Variants in CFAP20DC observed in about 807,000 individuals in gnomAD.
CFAP20DC encodes the protein protein CFAP20DC.
In CFAP20DC, 84 loss-of-function variants were observed where a neutral mutation model predicts 101.7. That is an observed-to-expected ratio of 0.83 (90% CI 0.69 to 0.99). CFAP20DC has a LOEUF of 0.99. Ranked by LOEUF, CFAP20DC falls within the 50% of genes least tolerant of loss-of-function variation. The pLI is 0.00. For missense variants in CFAP20DC, 1,007 were observed against 970.3 expected (o/e 1.04, Z -0.50); for synonymous variants, 359 against 351.2 (o/e 1.02, Z -0.25).
At chr3:58,759,130 T>A (rs1354125960) in intron 15 of CFAP20DC, among the ~76,000 whole-genome samples, 36 of 152,236 alleles carry the variant, frequency 2.4e-4, no homozygotes, top group African/African-American at 8.2e-4. Flanking sequence ...TCCACAATGG[T>A]TGAACTAGTT....
At chr3:58,854,949 C>A (rs865877436) in intron 12 of CFAP20DC, among the ~76,000 whole-genome samples, 178 of 145,240 alleles carry the variant, frequency 1.2e-3, no homozygotes, top group African/African-American at 4.2e-3. Context: ...GTCTAAAACA[C>A]CAAAAGCAAT....
chr3:58,819,021 C>G (rs1439410263), intron 14 of CFAP20DC, among the ~76,000 whole-genome samples: 18 of 151,188 alleles, frequency 1.2e-4, no homozygotes, highest in Admixed American at 5.9e-4. Context: ...GGAAACTGAA[C>G]AACCTGCTCC....
At chr3:58,815,018 ATATG>A (rs2074996545) in intron 14 of CFAP20DC, among the ~76,000 whole-genome samples, 1 of 151,486 alleles carries the variant, frequency 6.6e-6, no homozygotes, top group South Asian at 2.1e-4. Context: ...TTTAAAGTTC[ATATG>A]GAACCAAAAA....
rs141528482 is a variant in CFAP20DC at position 58,797,014 on chromosome 3, A to ATC, written c.2237+9379_2237+9380dup. On this transcript the variant is annotated intron_variant, in intron 15 of 16. Transcript: ENST00000482387. ...TTCCACTTGATCAACCATTCATCCCATCTCTCTCTCCCTCCTTGGGCCTAC... is the reference window on the plus strand; with the variant it reads ...TTCCACTTGATCAACCATTCATCCCATCTCTCTCTCTCCCTCCTTGGGCCTAC... Among the ~76,000 whole-genome samples the ATC allele has an allele frequency of 6.6e-4, 100 of 152,026 alleles. 1 individual carries two copies. The East Asian group carries it at 0.013, about 20-fold the overall frequency.
In CFAP20DC at chr3:58,892,517, G is replaced by C. The variant is rs1326363380; in HGVS notation, c.551-7808C>G. ...TGTCCTCTCTGATTTCTCTGAGAGT[G>C]GACTGTAGTCCTCCTTGAAGAGGTC... On this transcript the variant is annotated intron_variant, in intron 6 of 16. Transcript: ENST00000482387. The surrounding 1 kb of genome is among the most constrained non-coding windows in gnomAD (Gnocchi z 4.0). Among the ~76,000 whole-genome samples, 1 of 152,140 alleles carries C rather than the reference G, an allele frequency of 6.6e-6. No individual in the cohort carries two copies. The highest frequency in any genetic ancestry group is 1.5e-5 in the Non-Finnish European group (1 of 68,034).
At chr3:58,961,065 C>A (rs1175544272) in intron 4 of CFAP20DC, among the ~76,000 whole-genome samples, 2 of 152,166 alleles carry the variant, frequency 1.3e-5, no homozygotes, top group African/African-American at 4.8e-5. Flanking sequence ...TGGATATAGA[C>A]CCAACCTTTC....
chr3:58,778,971 C>A (rs1251620078), intron 15 of CFAP20DC, among the ~76,000 whole-genome samples: 3 of 152,220 alleles, frequency 2.0e-5, no homozygotes, highest in African/African-American at 7.2e-5. Context: ...AAAATTTCTC[C>A]CCAATAAAAG....
At chr3:58,769,363 C>T (rs866565362) in intron 15 of CFAP20DC, among the ~76,000 whole-genome samples, 1 of 152,124 alleles carries the variant, frequency 6.6e-6, no homozygotes, top group Admixed American at 6.6e-5. Flanking sequence ...GGAAAGATTC[C>T]ATGGTTACTA....
chr3:58,759,692 ATCTTGAATTAAT>A (rs1458441138), intron 15 of CFAP20DC, among the ~76,000 whole-genome samples: 2 of 152,210 alleles, frequency 1.3e-5, no homozygotes, highest in Non-Finnish European at 2.9e-5. Context: ...TCTTTAACCC[ATCTTGAATTAAT>A]TTTTGTACAA....
chr3:58,962,716 A>G (rs775234624), intron 4 of CFAP20DC, among the ~76,000 whole-genome samples: 1 of 152,160 alleles, frequency 6.6e-6, no homozygotes, highest in African/African-American at 2.4e-5. Context: ...AGCCTGGCCC[A>G]GCTTTTACTC....
intron 15 of CFAP20DC, among the ~76,000 whole-genome samples, chr3:58,769,966 G>A (rs1423399359): frequency 6.6e-6 from 1 of 152,122 alleles, no homozygotes; most frequent in Non-Finnish European, 1.5e-5. Context: ...TCCCACAAGT[G>A]CTCAGTGCTC....
chr3:58,811,858 AG>A (rs1235985339), intron 14 of CFAP20DC, among the ~76,000 whole-genome samples: 38 of 152,114 alleles, frequency 2.5e-4, no homozygotes, highest in African/African-American at 8.7e-4. Context: ...CAAATTTACA[AG>A]AAAAAAAGAA....
intron 4 of CFAP20DC, among the ~76,000 whole-genome samples, chr3:59,028,469 G>T (rs1434188634): frequency 3.9e-5 from 6 of 152,154 alleles, no homozygotes; most frequent in African/African-American, 1.4e-4. Flanking sequence ...AGCCTCTTGA[G>T]AAGATATAAA....
intron 4 of CFAP20DC, among the ~76,000 whole-genome samples, chr3:59,024,650 G>A (rs988220058): frequency 6.6e-6 from 1 of 152,100 alleles, no homozygotes; most frequent in Non-Finnish European, 1.5e-5. Flanking sequence ...CAGAAATGAG[G>A]AACCCTAGAG....
chr3:58,861,678 C>A lies in CFAP20DC; in HGVS notation c.1593+1880G>T. 2.0e-6 allele frequency: 2 copies of A among 985,382 alleles called. No individual in the cohort carries two copies. Among genetic ancestry groups the A allele is most frequent in the Non-Finnish European group, 2.4e-6 (2 of 829,926 alleles). 61.0% of individuals were successfully genotyped at this position (985,382 alleles called of 1,614,324 possible). On this transcript the variant is annotated intron_variant, in intron 12 of 16. Transcript: ENST00000482387. The surrounding 1 kb of genome is among the most constrained non-coding windows in gnomAD (Gnocchi z 4.0). Reference sequence around the variant, plus strand: ...GTCTCTGTACCAGCAAACCCCAAAGCTTGATAATGTGGCAGGTGTTTCCCC... The same window carrying A: ...GTCTCTGTACCAGCAAACCCCAAAGATTGATAATGTGGCAGGTGTTTCCCC...
intron 4 of CFAP20DC, among the ~76,000 whole-genome samples, chr3:59,000,051 C>A (rs965146427): frequency 3.3e-5 from 5 of 152,154 alleles, no homozygotes; most frequent in African/African-American, 1.2e-4. Context: ...CAACCTTGAA[C>A]TGGTGTCACC....
chr3:58,929,644 T>A lies in CFAP20DC; in HGVS notation c.393+8004A>T, dbSNP rs145782534. ...AAACAGAAACCATCCATTTATTCCA[T>A]AATCAAGCTCATTTTTATTACAGGG... is the stretch of plus-strand genomic sequence containing the variant. On this transcript the variant is annotated intron_variant, in intron 5 of 16. Coordinates refer to ENST00000482387, the MANE Select transcript of CFAP20DC (RefSeq NM_001394063.1). Among the ~76,000 whole-genome samples, 206 of 152,340 alleles carry A rather than the reference T, an allele frequency of 1.4e-3. 2 individuals are homozygous for A. The highest frequency in any genetic ancestry group is 9.5e-3 in the Admixed American group (145 of 15,298).
chr3:58,716,624 C>T (rs539374867), downstream of CFAP20DC, among the ~76,000 whole-genome samples: 1 of 152,242 alleles, frequency 6.6e-6, no homozygotes, highest in African/African-American at 2.4e-5. Context: ...GGCCTTGCTC[C>T]AAAACCCTAA....
At position 58,857,048 on chromosome 3, in the gene CFAP20DC, C is replaced by G. The variant is rs1297146928; in HGVS notation, c.1593+6510G>C. Among the ~76,000 whole-genome samples the G allele has an allele frequency of 2.0e-5, 3 of 152,104 alleles. No individual in the cohort carries two copies. In the South Asian group the frequency reaches 6.2e-4, roughly 31 times the overall value. On this transcript the variant is annotated intron_variant, in intron 12 of 16. Coordinates refer to ENST00000482387, the MANE Select transcript of CFAP20DC (RefSeq NM_001394063.1). ...AATAGATGTTTATTAAGCTCCTACTCTGTGTGAGGCAATTTCTAGACACTA... is the reference window on the plus strand; with the variant it reads ...AATAGATGTTTATTAAGCTCCTACTGTGTGTGAGGCAATTTCTAGACACTA...
Sources: gnomAD v4.1 joint callset for allele counts (sites outside exome capture counted in the v4.1 genomes callset) on GRCh38, gnomAD v4.1.1 for gene constraint, Gnocchi (gnomAD v3.1) non-coding constraint, MANE v1.5 for transcripts, NCBI Gene and HGNC (gene_info 2026-07-23, HGNC 2026-07-21) for gene names.